The following ARHGAP39 variants were observed in gnomAD, a reference collection of about 807,000 sequenced individuals.
ARHGAP39 encodes rho GTPase-activating protein 39.
ARHGAP39 carries 44 observed loss-of-function variants against 106.9 expected under a neutral mutation model. The ratio of observed to expected loss-of-function variants is 0.41; its 90% confidence interval spans 0.32 to 0.53. ARHGAP39 has a LOEUF of 0.53. Among genes scored for constraint, ARHGAP39 ranks in the 20% least tolerant of loss-of-function variants. The probability of loss-of-function intolerance (pLI) is 0.21; values close to 1 mark genes in which losing one functional copy is unlikely to be tolerated. For missense variants in ARHGAP39, 1,496 were observed against 1,577.3 expected, an observed-to-expected ratio of 0.95 and a Z score of 0.87; for synonymous variants, 768 against 693.2, an observed-to-expected ratio of 1.11 and a Z score of -1.69.
chr8:144,661,497 G>A (rs116860632), intron 1 of ARHGAP39, among the ~76,000 whole-genome samples: 2,699 of 152,186 alleles, frequency 0.018, 33 homozygotes, highest in South Asian at 0.04. Context: ...CACACCTGCC[G>A]CTAAACACAT....
chr8:144,603,088 T>C (rs1240690783), intron 2 of ARHGAP39, among the ~76,000 whole-genome samples: 6 of 143,124 alleles, frequency 4.2e-5, no homozygotes, highest in Non-Finnish European at 7.5e-5. Flanking sequence ...TGGAGGTGTG[T>C]GCGCGAGCTC....
chr8:144,588,878 C>T (rs560889389), intron 2 of ARHGAP39, among the ~76,000 whole-genome samples: 5 of 152,352 alleles, frequency 3.3e-5, no homozygotes, highest in East Asian at 3.9e-4. Context: ...AGATCAGGCA[C>T]GTCCAGGCGA....
chr8:144,570,267 G>C (rs1273917500), intron 3 of ARHGAP39, among the ~76,000 whole-genome samples: 1 of 152,112 alleles, frequency 6.6e-6, no homozygotes, highest in African/African-American at 2.4e-5. Flanking sequence ...CTTATAAGCC[G>C]AGCAGAACGT....
chr8:144,566,762 G>C (rs891869223), intron 3 of ARHGAP39, among the ~76,000 whole-genome samples: 1 of 152,032 alleles, frequency 6.6e-6, no homozygotes, highest in Non-Finnish European at 1.5e-5. Context: ...GACTGGGGCA[G>C]GAGAATTGCT....
chr8:144,577,904 G>T (rs750175862), intron 3 of ARHGAP39, among the ~76,000 whole-genome samples: 3 of 152,160 alleles, frequency 2.0e-5, no homozygotes, highest in Non-Finnish European at 4.4e-5. Flanking sequence ...TCTGTTCATG[G>T]ATTAGAAAAT....
At chr8:144,555,787 C>A in intron 3 of ARHGAP39, 144 bp from the exon 4 acceptor site, 1 of 723,340 alleles carries the variant, frequency 1.4e-6, no homozygotes. Flanking sequence ...TATTCTTCAT[C>A]TTCTGCCCTG....
intron 4 of ARHGAP39, among the ~76,000 whole-genome samples, chr8:144,552,145 C>T (rs919085687): frequency 4.6e-5 from 7 of 152,232 alleles, no homozygotes; most frequent in African/African-American, 1.4e-4. Context: ...TAAGAGCGGT[C>T]GTGGCCTCTG....
At position 144,547,293 on chromosome 8, in the gene ARHGAP39, G is replaced by A. The variant is rs775945113; in HGVS notation, c.1793C>T (p.Pro598Leu). ...DGALPLPMPG[P>L]VVRAFSEDEA... ...GTCCTCGCTGAAGGCCCGCACCACC[G>A]GCCCGGGCATGGGCAGTGGCAGGGC... Residue 598 changes from proline to leucine, a missense_variant, in exon 5 of 12, where the codon CCG becomes CTG. Physicochemically the swap from Pro to Leu is moderately conservative, Grantham distance 98. Coordinates refer to ENST00000377307, the MANE Select transcript of ARHGAP39 (RefSeq NM_025251.3). The surrounding 1 kb of genome is among the most constrained non-coding windows in gnomAD (Gnocchi z 5.2). 9.3e-6 allele frequency: 15 copies of A among 1,611,882 alleles called. No individual in the cohort carries two copies. The South Asian group carries it at 1.3e-4, about 14-fold the overall frequency.
intron 1 of ARHGAP39, among the ~76,000 whole-genome samples, chr8:144,678,049 A>G (rs1822288256): frequency 6.6e-6 from 1 of 152,098 alleles, no homozygotes; most frequent in African/African-American, 2.4e-5. Flanking sequence ...CCCATCCTAA[A>G]CCCAATCATC....
At position 144,650,881 on chromosome 8, in the gene ARHGAP39, T is replaced by C. The variant is rs1222684850; in HGVS notation, c.-82+34805A>G. 3.9e-5 allele frequency among the ~76,000 whole-genome samples: 6 copies of C among 152,112 alleles called. No individual in the cohort carries two copies. In the East Asian group the frequency reaches 5.8e-4, roughly 15 times the overall value. On this transcript the variant is annotated intron_variant, in intron 1 of 11. Coordinates refer to ENST00000377307, the MANE Select transcript of ARHGAP39 (RefSeq NM_025251.3). ...CTCACCACTCCTATTAAACATAATA[T>C]TGGAAGTCCTAGCCAGAGCAATCGG...
chr8:144,613,875 G>C (rs148397872), intron 1 of ARHGAP39, among the ~76,000 whole-genome samples: 2 of 152,254 alleles, frequency 1.3e-5, no homozygotes, highest in Non-Finnish European at 2.9e-5. Context: ...TTCCCACTTA[G>C]GGACTCCAAT....
chr8:144,673,226 A>C (rs1377583086), intron 1 of ARHGAP39, among the ~76,000 whole-genome samples: 1 of 151,712 alleles, frequency 6.6e-6, no homozygotes, highest in Non-Finnish European at 1.5e-5. Flanking sequence ...CAAAAAAAAA[A>C]AGAGGAAGAA....
chr8:144,552,437 A>T (rs1240572649), intron 4 of ARHGAP39, among the ~76,000 whole-genome samples: 2 of 152,218 alleles, frequency 1.3e-5, no homozygotes, highest in Admixed American at 1.3e-4. Flanking sequence ...TCCGAGGAAA[A>T]CGCTCCGCCA....
At chr8:144,542,408 T>C (rs1817230621) in intron 6 of ARHGAP39, among the ~76,000 whole-genome samples, 1 of 152,226 alleles carries the variant, frequency 6.6e-6, no homozygotes, top group East Asian at 1.9e-4. Flanking sequence ...CTCCTGAGGC[T>C]GAGGCAGGCA....
At chr8:144,568,016 C>T (rs536472871) in intron 3 of ARHGAP39, among the ~76,000 whole-genome samples, 23 of 152,218 alleles carry the variant, frequency 1.5e-4, no homozygotes, top group South Asian at 2.1e-4. Flanking sequence ...ATCTCGTCTC[C>T]GCACATGGGG....
intron 6 of ARHGAP39, among the ~76,000 whole-genome samples, chr8:144,544,839 G>T (rs1170164160): frequency 6.6e-6 from 1 of 152,274 alleles, no homozygotes; most frequent in Non-Finnish European, 1.5e-5. Context: ...AGACAACCCG[G>T]ATCTTGCCAG....
intron 2 of ARHGAP39, among the ~76,000 whole-genome samples, chr8:144,603,112 CGT>C (rs1563702018): frequency 9.2e-6 from 1 of 108,888 alleles, no homozygotes; most frequent in Non-Finnish European, 1.8e-5. Context: ...TATCTGTGTG[CGT>C]GGAGGCGTGT....
intron 7 of ARHGAP39, 124 bp from the exon 8 acceptor site, chr8:144,534,326 C>A (rs887520821): frequency 2.0e-6 from 2 of 1,017,406 alleles, no homozygotes; most frequent in African/African-American, 1.6e-5. Flanking sequence ...CCCGGTCACC[C>A]CCTGCCCAGC....
At chr8:144,616,658 G>A (rs1367247248) in intron 1 of ARHGAP39, among the ~76,000 whole-genome samples, 1 of 152,234 alleles carries the variant, frequency 6.6e-6, no homozygotes, top group African/African-American at 2.4e-5. Flanking sequence ...GGGCAGGGGG[G>A]GCCCAAGGGC....
Sources: allele counts gnomAD v4.1 joint callset (sites outside exome capture counted in the v4.1 genomes callset), GRCh38; gene constraint gnomAD v4.1.1; non-coding constraint Gnocchi (gnomAD v3.1); transcripts MANE v1.5; gene names NCBI Gene and HGNC (gene_info 2026-07-23, HGNC 2026-07-21).